ITPK1: variants seen among roughly 807,000 people sequenced by gnomAD.
ITPK1 encodes inositol-tetrakisphosphate 1-kinase.
In ITPK1, 21 loss-of-function variants were observed where a neutral mutation model predicts 45.3. The ratio of observed to expected loss-of-function variants is 0.46; its 90% CI spans 0.33 to 0.67. ITPK1 has a LOEUF of 0.67. Among genes scored for constraint, ITPK1 ranks in the 30% least tolerant of loss-of-function variants. The probability of loss-of-function intolerance (pLI) is 0.02; values close to 1 mark genes in which losing one functional copy is unlikely to be tolerated. For synonymous variants in ITPK1, 258 were observed against 253.6 expected (o/e 1.02, Z -0.16); for missense variants, 474 against 573.5 (o/e 0.83, Z 1.77).
chr14:93,045,036 G>T (rs1331636502), intron 3 of ITPK1, among the ~76,000 whole-genome samples: 1 of 152,204 alleles, frequency 6.6e-6, no homozygotes, highest in Non-Finnish European at 1.5e-5. Flanking sequence ...CTACCTTAAA[G>T]AACCAGATCC....
At chr14:93,044,800 G>T (rs1889711290) in intron 3 of ITPK1, among the ~76,000 whole-genome samples, 1 of 152,248 alleles carries the variant, frequency 6.6e-6, no homozygotes, top group African/African-American at 2.4e-5. Context: ...AAAGGAGGAA[G>T]AGGAAGAAGC....
At chr14:93,053,807 A>G (rs2139934773) in intron 3 of ITPK1, among the ~76,000 whole-genome samples, 1 of 152,288 alleles carries the variant, frequency 6.6e-6, no homozygotes, top group East Asian at 1.9e-4. Context: ...CTGCTCTAAA[A>G]TAGAGTCTAT....
intron 5 of ITPK1, among the ~76,000 whole-genome samples, chr14:92,987,494 G>T (rs576107781): frequency 2.0e-5 from 3 of 152,288 alleles, no homozygotes; most frequent in African/African-American, 7.2e-5. Context: ...GGCTGCACAG[G>T]TGGCCCCTGG....
At chr14:92,999,724 T>C (rs1887243665) in intron 4 of ITPK1, among the ~76,000 whole-genome samples, 1 of 152,210 alleles carries the variant, frequency 6.6e-6, no homozygotes, top group Non-Finnish European at 1.5e-5. Context: ...TAAATGGAGA[T>C]TGTACTTGTT....
In ITPK1 at chr14:93,098,326, G is replaced by A. The variant is rs560484931; in HGVS notation, c.95+16743C>T. Among the ~76,000 whole-genome samples the A allele has an allele frequency of 9.9e-5, 15 of 152,094 alleles. 1 individual carries two copies. In the South Asian group the frequency reaches 1.5e-3, roughly 15 times the overall value. ...AAAAAAAGTAGCCGGGCATGGTGGCGGGCACCTGTAGTCCCAGCTACTCGG... is the reference window on the plus strand; with the variant it reads ...AAAAAAAGTAGCCGGGCATGGTGGCAGGCACCTGTAGTCCCAGCTACTCGG... On this transcript the variant is annotated intron_variant, in intron 2 of 10. Transcript: ENST00000267615.
intron 3 of ITPK1, among the ~76,000 whole-genome samples, chr14:93,061,487 T>C (rs757881190): frequency 2.0e-5 from 3 of 151,446 alleles, no homozygotes; most frequent in Non-Finnish European, 2.9e-5. Flanking sequence ...GCAGAGAGAG[T>C]GGGTCTGGGG....
intron 3 of ITPK1, among the ~76,000 whole-genome samples, chr14:93,064,404 C>T (rs1322671354): frequency 6.6e-6 from 1 of 152,234 alleles, no homozygotes; most frequent in Non-Finnish European, 1.5e-5. Context: ...GGATTACAGA[C>T]ACAGGCCATC....
chr14:93,045,654 G>A (rs1354661353), intron 3 of ITPK1, among the ~76,000 whole-genome samples: 2 of 152,088 alleles, frequency 1.3e-5, no homozygotes, highest in African/African-American at 2.4e-5. Flanking sequence ...GCAACACAGC[G>A]AAACCCTATC....
At chr14:92,997,838 G>A (rs1595122699) in intron 4 of ITPK1, among the ~76,000 whole-genome samples, 1 of 152,154 alleles carries the variant, frequency 6.6e-6, no homozygotes, top group Admixed American at 6.5e-5. Flanking sequence ...AGAGCGTCAC[G>A]GTGCCCACCT....
Position 93,076,573 on chromosome 14 carries a change from C to G in ITPK1, c.120+22G>C. ...AAGGGCCCCACTACCCAAAGAACCACGGGGACGCGGTCTGTACTCACCTGC... is the reference window on the plus strand; with the variant it reads ...AAGGGCCCCACTACCCAAAGAACCAGGGGGACGCGGTCTGTACTCACCTGC... On this transcript the variant is annotated intron_variant, in intron 3 of 10. Transcript: ENST00000267615. The surrounding 1 kb of genome is among the most constrained non-coding windows in gnomAD (Gnocchi z 4.3). 1 of 1,614,070 alleles carries G rather than the reference C, an allele frequency of 6.2e-7. No homozygotes were observed. Among genetic ancestry groups the G allele is most frequent in the Non-Finnish European group, 8.5e-7 (1 of 1,179,926 alleles).
rs1884893114 is a variant in ITPK1, at chr14:92,958,808, T to TGAC, written c.505-443_505-442insGTC. ...AGGAGGCCTTGGGTCAAAGCCTGTC[T>TGAC]GATGACAACGGCTGCCTCTTGTCAA... On this transcript the variant is annotated intron_variant, in intron 7 of 10. Coordinates refer to ENST00000267615, the MANE Select transcript of ITPK1 (RefSeq NM_014216.6). The surrounding 1 kb of genome is among the most constrained non-coding windows in gnomAD (Gnocchi z 4.4). Among the ~76,000 whole-genome samples the TGAC allele has an allele frequency of 6.6e-6, 1 of 152,186 alleles. No individual in the cohort carries two copies. Among genetic ancestry groups the TGAC allele is most frequent in the Non-Finnish European group, 1.5e-5 (1 of 68,036 alleles).
chr14:93,060,413 T>C lies in ITPK1; in HGVS notation c.120+16182A>G, dbSNP rs112552015. 5.2e-3 allele frequency among the ~76,000 whole-genome samples: 796 copies of C among 152,062 alleles called. 8 individuals are homozygous for C. The highest frequency in any genetic ancestry group is 0.017 in the African/African-American group (714 of 41,468). Reference sequence around the variant, plus strand: ...CAGGGTCAGAAGACAGGGAGCAAATTTGAGCCACAGAGACGAGCACAGAAC... The same window carrying C: ...CAGGGTCAGAAGACAGGGAGCAAATCTGAGCCACAGAGACGAGCACAGAAC... On this transcript the variant is annotated intron_variant, in intron 3 of 10. Transcript: ENST00000267615.
chr14:93,083,570 C>T (rs1297190955), intron 2 of ITPK1, among the ~76,000 whole-genome samples: 3 of 152,170 alleles, frequency 2.0e-5, no homozygotes, highest in East Asian at 3.9e-4. Flanking sequence ...CCCCAAATAA[C>T]AAGACCCTTT....
chr14:93,016,702 A>C lies in ITPK1; in HGVS notation c.220T>G (p.Ser74Ala). 6.2e-7 allele frequency: 1 copy of C among 1,614,086 alleles called. No homozygotes were observed. The highest frequency in any genetic ancestry group is 8.5e-7 in the Non-Finnish European group (1 of 1,179,978). The change falls in exon 4 of 11, where the codon TCC (serine) becomes GCC (alanine). Residue 74 changes from serine (S) to alanine (A), a missense_variant. By Grantham distance (99) the Ser-to-Ala change is moderately conservative. Transcript: ENST00000267615. This position sits in a 1 kb window ranked among gnomAD's most constrained non-coding sequence, Gnocchi z 5.0. ...TGGAACCTGTGCACCAGCTCCAGGG[A>C]CTGGCTATCATTCTGGTCGGCTTCA... is the stretch of plus-strand genomic sequence containing the variant. ...ILEADQNDSQ[S>A]LELVHRFQEY... is the part of the protein sequence containing the mutation.
At chr14:92,954,769 A>C (rs1027272046) in intron 8 of ITPK1, among the ~76,000 whole-genome samples, 1 of 152,078 alleles carries the variant, frequency 6.6e-6, no homozygotes, top group African/African-American at 2.4e-5. Context: ...GGCGAAGGGG[A>C]TGGGGAGAAT....
intron 2 of ITPK1, among the ~76,000 whole-genome samples, chr14:93,081,847 C>A (rs1390940805): frequency 3.3e-5 from 5 of 152,178 alleles, no homozygotes; most frequent in Non-Finnish European, 5.9e-5. Flanking sequence ...AGGATGTCAC[C>A]CTGTGGCCCA....
rs1295964443 is a variant in ITPK1, at chr14:92,948,804, C to T, written c.739-2311G>A. Among the ~76,000 whole-genome samples, 7 of 137,902 alleles carry T rather than the reference C, an allele frequency of 5.1e-5. No individual in the cohort carries two copies. In the South Asian group the frequency reaches 9.1e-4, roughly 18 times the overall value. 90.5% of individuals were successfully genotyped at this position (137,902 alleles called of 152,430 possible). A position where few individuals can be genotyped will look rare whatever the true frequency, so the allele number is the denominator to read the frequency against. ...GGGACCCACGCCCGGGCGCCGCCCA[C>T]GCTCCGAGGGACCCATGCCCGGGCA... is the stretch of plus-strand genomic sequence containing the variant. On this transcript the variant is annotated intron_variant, in intron 9 of 10. Coordinates refer to ENST00000267615, the MANE Select transcript of ITPK1 (RefSeq NM_014216.6).
intron 3 of ITPK1, among the ~76,000 whole-genome samples, chr14:93,031,523 G>A (rs897893436): frequency 2.0e-5 from 3 of 152,172 alleles, no homozygotes; most frequent in East Asian, 1.9e-4. Context: ...ATGATGCTTC[G>A]AAGACAGCAG....
chr14:93,111,789 T>A (rs536392644), intron 2 of ITPK1, among the ~76,000 whole-genome samples: 3 of 143,732 alleles, frequency 2.1e-5, no homozygotes, highest in Non-Finnish European at 4.5e-5. Flanking sequence ...GGAAGGCAGG[T>A]GGGAGGGGTA....
Sources: allele counts gnomAD v4.1 joint callset (sites outside exome capture counted in the v4.1 genomes callset), GRCh38; gene constraint gnomAD v4.1.1; non-coding constraint Gnocchi (gnomAD v3.1); transcripts MANE v1.5; gene names NCBI Gene and HGNC (gene_info 2026-07-23, HGNC 2026-07-21).